PAPPA2: variants seen among roughly 807,000 people sequenced by gnomAD.
PAPPA2 encodes pappalysin-2.
In PAPPA2, 86 loss-of-function variants were observed where a neutral mutation model predicts 176.4. The ratio of observed to expected loss-of-function variants is 0.49; its 90% CI spans 0.41 to 0.58. The LOEUF (loss-of-function observed/expected upper bound fraction) is 0.58, where lower values mean the gene tolerates loss of function less well. PAPPA2 is among the 20% of genes least tolerant of loss of function. The pLI is 0.00. For synonymous variants in PAPPA2, 809 were observed against 852.2 expected (o/e 0.95, Z 0.88); for missense variants, 2,073 against 2,256.9 (o/e 0.92, Z 1.65).
chr1:176,577,285 C>T (rs1331567838), intron 2 of PAPPA2, among the ~76,000 whole-genome samples: 7 of 152,136 alleles, frequency 4.6e-5, no homozygotes, highest in Non-Finnish European at 5.9e-5. Flanking sequence ...CCATGCTCTC[C>T]CTGCAAATCT....
At chr1:176,712,318 C>A (rs995379233) in intron 12 of PAPPA2, among the ~76,000 whole-genome samples, 11 of 152,118 alleles carry the variant, frequency 7.2e-5, no homozygotes, top group Non-Finnish European at 1.2e-4. Context: ...CACTGCCCCC[C>A]CTCCAAGGCT....
In PAPPA2 at chr1:176,809,951, AGTGTGTGTGTGT is replaced by A. The variant is rs55858181; in HGVS notation, c.5202+9858_5202+9869del. ...TCTCCTTATTTTTAGGACAAGATGC[AGTGTGTGTGTGT>A]GTGTGTGTGTGTGTGTGTGTGTGTG... On this transcript the variant is annotated intron_variant, in intron 21 of 22. Transcript: ENST00000367662. 6.1e-3 allele frequency among the ~76,000 whole-genome samples: 822 copies of A among 133,776 alleles called. 7 individuals are homozygous for A. Among genetic ancestry groups the A allele is most frequent in the South Asian group, 0.018 (66 of 3,602 alleles). The allele number at this position is 133,776 out of a possible 152,430, so 87.8% of individuals were successfully genotyped here. A position where few individuals can be genotyped will look rare whatever the true frequency, so the allele number is the denominator to read the frequency against.
chr1:176,807,781 C>T (rs1665971217), intron 21 of PAPPA2, among the ~76,000 whole-genome samples: 1 of 151,998 alleles, frequency 6.6e-6, no homozygotes, highest in Non-Finnish European at 1.5e-5. Context: ...CAGGCGTGAG[C>T]CACCATGCAA....
intron 14 of PAPPA2, among the ~76,000 whole-genome samples, chr1:176,759,335 T>C (rs191191330): frequency 3.9e-5 from 6 of 152,378 alleles, no homozygotes; most frequent in African/African-American, 9.6e-5. Flanking sequence ...TCTCATTTAA[T>C]ACAAGAAATT....
chr1:176,570,847 C>A (rs1002647999), intron 2 of PAPPA2, among the ~76,000 whole-genome samples: 3 of 152,074 alleles, frequency 2.0e-5, no homozygotes, highest in African/African-American at 7.2e-5. Flanking sequence ...AAAAGCCAAG[C>A]ACATTTGAGG....
At chr1:176,515,264 G>A (rs1453689053) in intron 1 of PAPPA2, among the ~76,000 whole-genome samples, 1 of 152,128 alleles carries the variant, frequency 6.6e-6, no homozygotes, top group Non-Finnish European at 1.5e-5. Flanking sequence ...AAAATAAAGA[G>A]TCATTATTTC....
chr1:176,781,365 C>CTTTTTTTTT lies in PAPPA2; in HGVS notation c.4716-8419_4716-8411dup, dbSNP rs35029858. ...CATGTGAGAAGAGCTTTGTAAGGGG[C>CTTTTTTTTT]TTTTTTTTTTTTTTTTTTTTTTTTT... On this transcript the variant is annotated intron_variant, in intron 17 of 22. Coordinates refer to ENST00000367662, the MANE Select transcript of PAPPA2 (RefSeq NM_020318.3). Among the ~76,000 whole-genome samples the CTTTTTTTTT allele has an allele frequency of 6.9e-4, 32 of 46,240 alleles. 2 individuals carry two copies. Among genetic ancestry groups the CTTTTTTTTT allele is most frequent in the East Asian group, 9.0e-4 (1 of 1,108 alleles). The allele number at this position is 46,240 out of a possible 152,430, so 30.3% of individuals were successfully genotyped here. A position where few individuals can be genotyped will look rare whatever the true frequency, so the allele number is the denominator to read the frequency against.
intron 3 of PAPPA2, among the ~76,000 whole-genome samples, chr1:176,670,252 T>A (rs993790605): frequency 6.6e-6 from 1 of 152,242 alleles, no homozygotes; most frequent in East Asian, 1.9e-4. Context: ...CATGTGTTTT[T>A]AATAGACCTT....
intron 2 of PAPPA2, among the ~76,000 whole-genome samples, chr1:176,578,703 A>G (rs1652793035): frequency 6.6e-6 from 1 of 152,206 alleles, no homozygotes; most frequent in South Asian, 2.1e-4. Context: ...TTTGAAGGGC[A>G]TATCCATATA....
At chr1:176,470,800 A>G (rs1328475387) in intron 1 of PAPPA2, among the ~76,000 whole-genome samples, 1 of 152,226 alleles carries the variant, frequency 6.6e-6, no homozygotes, top group East Asian at 1.9e-4. Context: ...AGCCTTTTCC[A>G]AGTGGCGTCT....
Position 176,556,291 on chromosome 1 carries a change from C to T in PAPPA2, c.-32C>T, listed in dbSNP as rs1558434084. On this transcript the variant is annotated 5_prime_UTR_variant, in exon 2 of 23. Transcript: ENST00000367662. ...CTCTGGTGTGGTACCCAGAAGTTGA[C>T]TTCTGGTTCTGTAGAAAGAGCTAGG... 3 of 1,594,902 alleles carry T rather than the reference C, an allele frequency of 1.9e-6. No individual in the cohort carries two copies. The East Asian group carries it at 6.7e-5, about 36-fold the overall frequency.
chr1:176,799,636 G>C (rs1167394363), intron 20 of PAPPA2, among the ~76,000 whole-genome samples: 2 of 152,102 alleles, frequency 1.3e-5, no homozygotes, highest in Admixed American at 6.5e-5. Context: ...TGTATTTGTC[G>C]ATCTTTAAAA....
At chr1:176,633,331 A>G (rs558161128) in intron 3 of PAPPA2, among the ~76,000 whole-genome samples, 165 of 152,314 alleles carry the variant, frequency 1.1e-3, no homozygotes, top group African/African-American at 3.8e-3. Context: ...GAAACAAGCA[A>G]GACCTCAGAG....
At chr1:176,754,147 T>C (rs1228590494) in intron 14 of PAPPA2, among the ~76,000 whole-genome samples, 1 of 152,088 alleles carries the variant, frequency 6.6e-6, no homozygotes, top group Non-Finnish European at 1.5e-5. Flanking sequence ...ATTGAAACAT[T>C]ACTTTGTCTG....
At chr1:176,735,898 A>T (rs10082009) in intron 12 of PAPPA2, among the ~76,000 whole-genome samples, 15,324 of 152,116 alleles carry the variant, frequency 0.1, 808 homozygotes, top group South Asian at 0.18. Context: ...CTTTTCTAAC[A>T]GTACTTGTCT....
rs1036387230 is a variant in PAPPA2, at chr1:176,842,720, A to C, written c.*266A>C. ...GAAGGGGAAATATGATAGATATATA[A>C]GGACCCTCCTCCCTCACTTATATTC... On this transcript the variant is annotated 3_prime_UTR_variant, in exon 23 of 23. Transcript: ENST00000367662. 2 of 454,468 alleles carry C rather than the reference A, an allele frequency of 4.4e-6. No homozygotes were observed. The highest frequency in any genetic ancestry group is 8.0e-6 in the Non-Finnish European group (2 of 250,608). The allele number at this position is 454,468 out of a possible 1,614,324, so 28.2% of individuals were successfully genotyped here.
intron 2 of PAPPA2, among the ~76,000 whole-genome samples, chr1:176,569,829 T>A (rs549482929): frequency 6.6e-6 from 1 of 152,322 alleles, no homozygotes; most frequent in East Asian, 1.9e-4. Context: ...AACCTGGTAA[T>A]CTTTAAGTTC....
chr1:176,492,039 G>T (rs1647318750), intron 1 of PAPPA2, among the ~76,000 whole-genome samples: 1 of 152,196 alleles, frequency 6.6e-6, no homozygotes, highest in Non-Finnish European at 1.5e-5. Context: ...ATCAAGCATG[G>T]AATCCTGTGT....
chr1:176,645,340 C>G (rs1408523566), intron 3 of PAPPA2, among the ~76,000 whole-genome samples: 2 of 151,688 alleles, frequency 1.3e-5, no homozygotes, highest in Non-Finnish European at 1.5e-5. Flanking sequence ...TGAGAACATG[C>G]AATATTTGTC....
Sources: gnomAD v4.1 joint callset for allele counts (sites outside exome capture counted in the v4.1 genomes callset) on GRCh38, gnomAD v4.1.1 for gene constraint, MANE v1.5 for transcripts, NCBI Gene and HGNC (gene_info 2026-07-23, HGNC 2026-07-21) for gene names.